The following RGS7 variants were observed in gnomAD, a reference collection of about 807,000 sequenced individuals.
The protein encoded by RGS7 is regulator of G-protein signaling 7.
RGS7 carries 27 observed loss-of-function variants against 81.1 expected under a neutral mutation model. The ratio of observed to expected loss-of-function variants is 0.33; its 90% CI spans 0.25 to 0.46. RGS7 has a LOEUF of 0.46. Among genes scored for constraint, RGS7 ranks in the 20% least tolerant of loss-of-function variants. The pLI is 1.00. For synonymous variants in RGS7, 208 were observed against 207.7 expected, an observed-to-expected ratio of 1.00 and a Z score of -0.01; for missense variants, 396 against 607.4, an observed-to-expected ratio of 0.65 and a Z score of 3.66.
intron 6 of RGS7, among the ~76,000 whole-genome samples, chr1:240,913,934 T>A (rs1672174627): frequency 6.6e-6 from 1 of 152,078 alleles, no homozygotes; most frequent in African/African-American, 2.4e-5. Flanking sequence ...TATTATACTT[T>A]AAGTTTTAGG....
chr1:240,882,142 T>C (rs1666513191), intron 6 of RGS7, among the ~76,000 whole-genome samples: 2 of 152,158 alleles, frequency 1.3e-5, no homozygotes, highest in South Asian at 4.1e-4. Context: ...CTTGAACCCC[T>C]GAGCACAAGT....
At chr1:241,179,356 C>T (rs1293027541) in intron 2 of RGS7, among the ~76,000 whole-genome samples, 1 of 152,152 alleles carries the variant, frequency 6.6e-6, no homozygotes, top group Non-Finnish European at 1.5e-5. Flanking sequence ...GCCTCGGCCC[C>T]CAAAGTGCTG....
intron 2 of RGS7, among the ~76,000 whole-genome samples, chr1:241,246,998 A>G (rs1246437469): frequency 1.3e-5 from 2 of 152,020 alleles, no homozygotes; most frequent in Admixed American, 6.6e-5. Context: ...AATACACAGA[A>G]AGAAAATTTT....
chr1:241,331,087 G>A (rs1360858122), intron 2 of RGS7, among the ~76,000 whole-genome samples: 1 of 152,080 alleles, frequency 6.6e-6, no homozygotes, highest in African/African-American at 2.4e-5. Flanking sequence ...TCCAGCAAAT[G>A]TCAAAAGCCA....
intron 2 of RGS7, among the ~76,000 whole-genome samples, chr1:241,162,183 G>T (rs140079811): frequency 1.3e-5 from 2 of 149,620 alleles, no homozygotes; most frequent in African/African-American, 4.9e-5. Flanking sequence ...AAGAAAGACC[G>T]TCTCCCAATA....
intron 2 of RGS7, among the ~76,000 whole-genome samples, chr1:241,214,424 T>C (rs954765683): frequency 6.6e-6 from 1 of 150,736 alleles, no homozygotes; most frequent in Non-Finnish European, 1.5e-5. Flanking sequence ...TATATAATGT[T>C]TTTTTTTTCT....
chr1:241,102,651 T>C (rs1461640339), intron 2 of RGS7, among the ~76,000 whole-genome samples: 1 of 152,158 alleles, frequency 6.6e-6, no homozygotes, highest in African/African-American at 2.4e-5. Context: ...CTAATTAAAG[T>C]CTCGCAAGTA....
At chr1:240,896,686 C>A (rs1669145005) in intron 6 of RGS7, among the ~76,000 whole-genome samples, 1 of 151,224 alleles carries the variant, frequency 6.6e-6, no homozygotes, top group African/African-American at 2.4e-5. Flanking sequence ...GTTACTGCAG[C>A]CTTGTAGTAT....
At chr1:240,936,475 CT>C in intron 5 of RGS7, 124 bp downstream of exon 5, 1 of 730,898 alleles carries the variant, frequency 1.4e-6, no homozygotes. Flanking sequence ...TAATCAGTTT[CT>C]AACTAGCCTA....
At chr1:241,290,556 T>C (rs1222678671) in intron 2 of RGS7, among the ~76,000 whole-genome samples, 2 of 152,232 alleles carry the variant, frequency 1.3e-5, no homozygotes, top group Non-Finnish European at 2.9e-5. Context: ...GTTAGGTTGC[T>C]TCTTGATTAA....
chr1:241,009,918 G>C (rs2148658877), intron 3 of RGS7, among the ~76,000 whole-genome samples: 1 of 152,256 alleles, frequency 6.6e-6, no homozygotes, highest in East Asian at 1.9e-4. Flanking sequence ...ATCATTCTCA[G>C]TAAACTATCA....
intron 4 of RGS7, among the ~76,000 whole-genome samples, chr1:240,972,367 TA>T (rs1157986207): frequency 6.7e-6 from 1 of 149,794 alleles, no homozygotes; most frequent in Non-Finnish European, 1.5e-5. Context: ...TATGCAGCCA[TA>T]AAAAATGATG....
chr1:241,008,185 A>G (rs1293395348), intron 3 of RGS7, among the ~76,000 whole-genome samples: 1 of 152,208 alleles, frequency 6.6e-6, no homozygotes, highest in Non-Finnish European at 1.5e-5. Context: ...AAAAAAGACC[A>G]AGTTTCTTTT....
At chr1:241,286,337 G>A (rs2078807821) in intron 2 of RGS7, among the ~76,000 whole-genome samples, 1 of 152,140 alleles carries the variant, frequency 6.6e-6, no homozygotes, top group African/African-American at 2.4e-5. Flanking sequence ...TACTACATAT[G>A]ACATCCTACA....
At chr1:240,951,009 C>T (rs1035427005) in intron 4 of RGS7, among the ~76,000 whole-genome samples, 1 of 151,878 alleles carries the variant, frequency 6.6e-6, no homozygotes, top group Non-Finnish European at 1.5e-5. Context: ...GCAGCCTCGA[C>T]CTCCCAGGCT....
intron 6 of RGS7, among the ~76,000 whole-genome samples, chr1:240,929,447 C>T (rs995151710): frequency 3.9e-5 from 6 of 151,924 alleles, no homozygotes; most frequent in East Asian, 3.9e-4. Flanking sequence ...ATTTTGTCTC[C>T]GTATTAATTT....
chr1:241,052,784 A>G (rs1481551241), intron 3 of RGS7, among the ~76,000 whole-genome samples: 1 of 151,812 alleles, frequency 6.6e-6, no homozygotes, highest in Non-Finnish European at 1.5e-5. Context: ...ATTTTTCTGC[A>G]TAGCGTGGAT....
intron 3 of RGS7, among the ~76,000 whole-genome samples, chr1:241,073,827 G>A (rs905381257): frequency 6.6e-6 from 1 of 151,820 alleles, no homozygotes; most frequent in Non-Finnish European, 1.5e-5. Flanking sequence ...CTGCAATTGT[G>A]GCAAGCCAAG....
intron 9 of RGS7, among the ~76,000 whole-genome samples, chr1:240,864,680 G>T (rs1464938636): frequency 2.0e-5 from 3 of 152,184 alleles, no homozygotes; most frequent in East Asian, 1.9e-4. Flanking sequence ...AGAGAGAGGG[G>T]TCATAGATTA....
Sources: allele counts gnomAD v4.1 joint callset (sites outside exome capture counted in the v4.1 genomes callset), GRCh38; gene constraint gnomAD v4.1.1; transcripts MANE v1.5; gene names NCBI Gene and HGNC (gene_info 2026-07-23, HGNC 2026-07-21).